Variants in PCID2 observed in about 807,000 individuals in gnomAD.
PCID2 encodes PCI domain containing 2.
PCID2 carries 41 observed loss-of-function variants against 61.3 expected under a neutral mutation model. That is an observed-to-expected ratio of 0.67 (90% CI 0.52 to 0.87). The LOEUF is 0.87. Ranked by LOEUF, PCID2 falls within the 40% of genes least tolerant of loss-of-function variation. The pLI is 0.00. For synonymous variants in PCID2, 187 were observed against 177.8 expected (o/e 1.05, Z -0.41); for missense variants, 392 against 493.4 (o/e 0.79, Z 1.95).
Position 113,178,220 on chromosome 13 carries a change from G to A in PCID2, c.1178C>T (p.Pro393Leu), listed in dbSNP as rs767214056. ...KLVVSKQNPFPPLSTVC is the reference protein window; with the variant it reads ...KLVVSKQNPFLPLSTVC Reference sequence around the variant, plus strand: ...CTTTCAACACACCGTGGACAGGGGAGGAAATGGGTTCTGCTTGCTGACCAC... The same window carrying A: ...CTTTCAACACACCGTGGACAGGGGAAGAAATGGGTTCTGCTTGCTGACCAC... Residue 393 changes from proline (P) to leucine (L), a missense_variant, in exon 14 of 14, where the codon CCT (proline) becomes CTT (leucine). Coordinates refer to ENST00000337344, the MANE Select transcript of PCID2 (RefSeq NM_001127202.4). 2 of 1,613,560 alleles carry A rather than the reference G, an allele frequency of 1.2e-6. No homozygotes were observed. Among genetic ancestry groups the A allele is most frequent in the East Asian group, 2.2e-5 (1 of 44,830 alleles).
At chr13:113,176,219 CA>C (rs1185414555), downstream of PCID2, among the ~76,000 whole-genome samples, 1 of 152,268 alleles carries the variant, frequency 6.6e-6, no homozygotes, top group Non-Finnish European at 1.5e-5. Flanking sequence ...AAGCAGCTTT[CA>C]AATGCAGTAA....
the PCID2 span, chr13:113,170,415 A>G: frequency 6.4e-7 from 1 of 1,573,036 alleles, no homozygotes; most frequent in Admixed American, 1.7e-5. Flanking sequence ...TTTTAAAGGT[A>G]AAGTTAACAA....
the PCID2 span, among the ~76,000 whole-genome samples, chr13:113,167,253 C>A: frequency 6.6e-6 from 1 of 152,196 alleles, no homozygotes; most frequent in Non-Finnish European, 1.5e-5. Context: ...AAGTGAGGAT[C>A]TCACCCCTAG....
chr13:113,180,496 A>G (rs2037534662), intron 10 of PCID2, among the ~76,000 whole-genome samples: 1 of 152,158 alleles, frequency 6.6e-6, no homozygotes, highest in Non-Finnish European at 1.5e-5. Context: ...ATAACAGGAG[A>G]GTGATAACTG....
At chr13:113,189,482 G>GT (rs1257377300) in intron 7 of PCID2, among the ~76,000 whole-genome samples, 4 of 151,946 alleles carry the variant, frequency 2.6e-5, no homozygotes, top group Non-Finnish European at 5.9e-5. Flanking sequence ...GGGAACAATA[G>GT]TTTTTTGTTT....
intron 1 of PCID2, among the ~76,000 whole-genome samples, chr13:113,204,727 G>A (rs2039678744): frequency 6.6e-6 from 1 of 152,218 alleles, no homozygotes; most frequent in African/African-American, 2.4e-5. Flanking sequence ...ACTAAACTGT[G>A]AGAAGACTGG....
chr13:113,193,791 T>G (rs568320260), intron 6 of PCID2, among the ~76,000 whole-genome samples: 2 of 152,350 alleles, frequency 1.3e-5, no homozygotes, highest in African/African-American at 4.8e-5. Flanking sequence ...AATGTTTTCA[T>G]TTGTTTCAAG....
At chr13:113,171,550 T>C in the PCID2 span, 1 of 1,613,150 alleles carries the variant, frequency 6.2e-7, no homozygotes, top group Non-Finnish European at 8.5e-7. The surrounding 1 kb of genome is among the most constrained non-coding windows in gnomAD (Gnocchi z 5.1). Context: ...TATGTCCCCT[T>C]GAAAATCAGA....
chr13:113,207,631 T>G (rs975433779), intron 1 of PCID2, among the ~76,000 whole-genome samples: 2 of 152,248 alleles, frequency 1.3e-5, no homozygotes, highest in Non-Finnish European at 2.9e-5. Context: ...TGATTCCTGT[T>G]TTAACCAGTT....
chr13:113,201,737 A>T (rs183258053), intron 1 of PCID2, among the ~76,000 whole-genome samples: 2 of 149,386 alleles, frequency 1.3e-5, no homozygotes, highest in Non-Finnish European at 3.0e-5. Context: ...GCGCGAACCC[A>T]GGAGGCGGAG....
At chr13:113,187,451 G>A (rs779981662) in intron 7 of PCID2, 11 of 152,182 alleles carry the variant, frequency 7.2e-5, no homozygotes, top group Non-Finnish European at 1.6e-4. Flanking sequence ...TGTGTACGAG[G>A]CTCCAGTCTC....
chr13:113,208,489 A>G, intron 1 of PCID2, 110 bp downstream of exon 1: 3 of 1,541,804 alleles, frequency 1.9e-6, no homozygotes, highest in African/African-American at 2.8e-5. Flanking sequence ...GAACGGAAGA[A>G]GGGTGGCGAG....
chr13:113,184,261 G>T, intron 9 of PCID2, 85 bp downstream of exon 9: 2 of 1,192,964 alleles, frequency 1.7e-6, no homozygotes, highest in Non-Finnish European at 1.2e-6. Context: ...TACAGTAATT[G>T]TGTTCTCTGA....
At chr13:113,189,769 T>C (rs1198869701) in intron 7 of PCID2, among the ~76,000 whole-genome samples, 1 of 147,522 alleles carries the variant, frequency 6.8e-6, no homozygotes, top group African/African-American at 2.5e-5. Flanking sequence ...ACGCCTATAA[T>C]CCCAGCACTT....
At chr13:113,170,676 C>A in the PCID2 span, 1 of 643,164 alleles carries the variant, frequency 1.6e-6, no homozygotes, top group Non-Finnish European at 2.8e-6. Flanking sequence ...TACTTATCAA[C>A]TCAGGAAGCA....
intron 13 of PCID2, 33 bp downstream of exon 13, chr13:113,178,933 T>C (rs1480884732): frequency 6.3e-7 from 1 of 1,597,682 alleles, no homozygotes; most frequent in East Asian, 2.2e-5. Flanking sequence ...TTGCTGTGAG[T>C]AGCTGCTTAA....
At position 113,178,292 on chromosome 13, in the gene PCID2, G is replaced by A. The variant is rs770417060; in HGVS notation, c.1111-5C>T. 71 of 1,607,182 alleles carry A rather than the reference G, an allele frequency of 4.4e-5. No individual in the cohort carries two copies. The highest frequency in any genetic ancestry group is 3.9e-5 in the Non-Finnish European group (46 of 1,174,222). On this transcript the variant is annotated splice_region_variant and splice_polypyrimidine_tract_variant and intron_variant, in intron 13 of 13. Transcript: ENST00000337344. Reference sequence around the variant, plus strand: ...TATGTAGCCTTTGACGTGTCCCTGCGGGGCAGAAAGGGAGGAATGCGTTTA... The same window carrying A: ...TATGTAGCCTTTGACGTGTCCCTGCAGGGCAGAAAGGGAGGAATGCGTTTA...
At chr13:113,183,839 G>A (rs1016448941) in intron 9 of PCID2, 5 of 985,192 alleles carry the variant, frequency 5.1e-6, no homozygotes, top group South Asian at 4.7e-5. Flanking sequence ...GCCGTGCGAG[G>A]CTGTTTAAAC....
Position 113,178,303 on chromosome 13 carries a change from G to C in PCID2, c.1111-16C>G. 6.3e-7 allele frequency: 1 copy of C among 1,594,596 alleles called. No homozygotes were observed. The highest frequency in any genetic ancestry group is 8.6e-7 in the Non-Finnish European group (1 of 1,163,068). On this transcript the variant is annotated splice_polypyrimidine_tract_variant and intron_variant, in intron 13 of 13. Transcript: ENST00000337344. ...TGACGTGTCCCTGCGGGGCAGAAAG[G>C]GAGGAATGCGTTTACATTTTTGGAT...
Sources: gnomAD v4.1 joint callset for allele counts (sites outside exome capture counted in the v4.1 genomes callset) on GRCh38, gnomAD v4.1.1 for gene constraint, Gnocchi (gnomAD v3.1) non-coding constraint, MANE v1.5 for transcripts, NCBI Gene and HGNC (gene_info 2026-07-23, HGNC 2026-07-21) for gene names.